Variants in ADAMTSL1 observed in about 807,000 individuals in gnomAD.
ADAMTSL1 encodes ADAMTS-like protein 1.
ADAMTSL1 carries 126 observed loss-of-function variants against 201.8 expected under a neutral mutation model. The observed-to-expected ratio is 0.62, with a 90% confidence interval of 0.54 to 0.72. The LOEUF is 0.72. Ranked by LOEUF, ADAMTSL1 falls within the 30% of genes least tolerant of loss-of-function variation. ADAMTSL1 has a pLI of 0.00. For synonymous variants in ADAMTSL1, 1,121 were observed against 903.4 expected, an observed-to-expected ratio of 1.24 and a Z score of -4.32; for missense variants, 2,679 against 2,277.8, an observed-to-expected ratio of 1.18 and a Z score of -3.59.
chr9:17,987,411 G>A (rs1005519353), intron 1 of ADAMTSL1, among the ~76,000 whole-genome samples: 1 of 152,096 alleles, frequency 6.6e-6, no homozygotes, highest in East Asian at 1.9e-4. Flanking sequence ...GCAATCTGAC[G>A]TTATTGTTTT....
At chr9:18,606,348 T>G (rs1314330770) in intron 4 of ADAMTSL1, among the ~76,000 whole-genome samples, 2 of 152,144 alleles carry the variant, frequency 1.3e-5, no homozygotes, top group African/African-American at 2.4e-5. Context: ...AATATCTTTG[T>G]TTTTTGAGTG....
intron 1 of ADAMTSL1, among the ~76,000 whole-genome samples, chr9:18,044,098 CT>C (rs1473853528): frequency 6.6e-6 from 1 of 150,456 alleles, no homozygotes; most frequent in Non-Finnish European, 1.5e-5. Context: ...TATGTGTAGG[CT>C]ATTGCAATAG....
At chr9:18,140,784 G>A (rs1826365228) in intron 1 of ADAMTSL1, among the ~76,000 whole-genome samples, 1 of 152,144 alleles carries the variant, frequency 6.6e-6, no homozygotes, top group South Asian at 2.1e-4. Context: ...CTCTGGCCTG[G>A]TATGTTAACT....
intron 2 of ADAMTSL1, among the ~76,000 whole-genome samples, chr9:18,287,378 T>A (rs1469291281): frequency 6.6e-6 from 1 of 151,946 alleles, no homozygotes; most frequent in African/African-American, 2.4e-5. Flanking sequence ...CACATACATG[T>A]ATATATGTGT....
Position 18,691,528 on chromosome 9 carries a change from A to G in ADAMTSL1, c.1574+6728A>G, listed in dbSNP as rs148417690. Among the ~76,000 whole-genome samples, 1,233 of 152,302 alleles carry G rather than the reference A, an allele frequency of 8.1e-3. 22 individuals are homozygous for G. The highest frequency in any genetic ancestry group is 0.028 in the African/African-American group (1,154 of 41,562). ...CTATAGAAACTACAGATAATTTCCTAAAATTGATTTTTTTCAGATGCATTA... is the reference window on the plus strand; with the variant it reads ...CTATAGAAACTACAGATAATTTCCTGAAATTGATTTTTTTCAGATGCATTA... On this transcript the variant is annotated intron_variant, in intron 13 of 28. Transcript: ENST00000380548.
chr9:18,003,668 A>G lies in ADAMTSL1; in HGVS notation c.87+96746A>G, dbSNP rs76760082. On this transcript the variant is annotated intron_variant, in intron 1 of 29. Transcript: ENST00000680146. ...ATCTCAGTTCCAAATGTTACATAAC[A>G]TCATGACCTTTCTTTGATGTATTGT... is the stretch of plus-strand genomic sequence containing the variant. Among the ~76,000 whole-genome samples the G allele has an allele frequency of 9.1e-3, 1,386 of 152,212 alleles. 26 individuals are homozygous for G. Among genetic ancestry groups the G allele is most frequent in the African/African-American group, 0.032 (1,321 of 41,570 alleles).
At chr9:18,898,345 A>G (rs911542983) in intron 26 of ADAMTSL1, among the ~76,000 whole-genome samples, 8 of 152,236 alleles carry the variant, frequency 5.3e-5, no homozygotes, top group Non-Finnish European at 1.0e-4. Context: ...GGAGCTGGAA[A>G]ACACAACACG....
chr9:17,928,955 A>G (rs1200007487), intron 1 of ADAMTSL1, among the ~76,000 whole-genome samples: 1 of 152,008 alleles, frequency 6.6e-6, no homozygotes, highest in African/African-American at 2.4e-5. Context: ...TGCTAATTAC[A>G]CGACTATGGA....
chr9:18,308,938 A>G (rs1834012341), intron 2 of ADAMTSL1, among the ~76,000 whole-genome samples: 1 of 152,224 alleles, frequency 6.6e-6, no homozygotes, highest in Non-Finnish European at 1.5e-5. Flanking sequence ...AATCTTCAAT[A>G]AAACACTGGC....
intron 1 of ADAMTSL1, among the ~76,000 whole-genome samples, chr9:17,985,785 A>G (rs1183281707): frequency 6.6e-6 from 1 of 152,142 alleles, no homozygotes; most frequent in Non-Finnish European, 1.5e-5. Flanking sequence ...GTTCTGATGT[A>G]TATTTGATGA....
At chr9:18,734,189 C>T (rs1818381356) in intron 15 of ADAMTSL1, among the ~76,000 whole-genome samples, 1 of 152,138 alleles carries the variant, frequency 6.6e-6, no homozygotes, top group South Asian at 2.1e-4. Flanking sequence ...CAGTGCCTCG[C>T]TCATACTAAG....
intron 2 of ADAMTSL1, among the ~76,000 whole-genome samples, chr9:18,315,357 C>T (rs894455426): frequency 6.6e-6 from 1 of 152,078 alleles, no homozygotes; most frequent in Admixed American, 6.5e-5. Flanking sequence ...AGCTGCCTGT[C>T]AGTCCCATGC....
chr9:18,906,304 C>G (rs10963833), intron 27 of ADAMTSL1, among the ~76,000 whole-genome samples: 19,694 of 152,086 alleles, frequency 0.13, 2,054 homozygotes, highest in African/African-American at 0.29. Flanking sequence ...TGAGTCTCAA[C>G]CTACCATTCC....
At chr9:18,208,942 T>C (rs1473985933) in intron 2 of ADAMTSL1, among the ~76,000 whole-genome samples, 2 of 152,170 alleles carry the variant, frequency 1.3e-5, no homozygotes, top group Non-Finnish European at 2.9e-5. Context: ...TTGATTTTCT[T>C]ATCTACAAAA....
chr9:18,237,475 GA>G (rs1408885649), intron 2 of ADAMTSL1, among the ~76,000 whole-genome samples: 1 of 152,148 alleles, frequency 6.6e-6, no homozygotes, highest in Non-Finnish European at 1.5e-5. Context: ...GGCATTTTGA[GA>G]AGTGTTTTTG....
intron 1 of ADAMTSL1, among the ~76,000 whole-genome samples, chr9:18,034,477 C>T (rs1368713398): frequency 1.3e-5 from 2 of 152,148 alleles, no homozygotes; most frequent in Non-Finnish European, 2.9e-5. Flanking sequence ...GTGTTTTTCA[C>T]CAGGATCTTA....
chr9:18,408,815 G>C (rs1439187414), intron 2 of ADAMTSL1, among the ~76,000 whole-genome samples: 1 of 152,074 alleles, frequency 6.6e-6, no homozygotes, highest in Admixed American at 6.6e-5. Flanking sequence ...AAGCATAAGA[G>C]AAAACAAGGA....
intron 1 of ADAMTSL1, among the ~76,000 whole-genome samples, chr9:17,979,122 G>C (rs78147374): frequency 0.027 from 4,105 of 152,104 alleles, 126 homozygotes; most frequent in Admixed American, 0.097. Flanking sequence ...GATTTTGACA[G>C]TTTGATTATA....
chr9:18,443,884 G>A (rs964378399), intron 2 of ADAMTSL1, among the ~76,000 whole-genome samples: 3 of 152,146 alleles, frequency 2.0e-5, no homozygotes, highest in African/African-American at 7.2e-5. Flanking sequence ...CAACAGAAAT[G>A]GACCTAAACC....
Sources: allele counts gnomAD v4.1 joint callset (sites outside exome capture counted in the v4.1 genomes callset), GRCh38; gene constraint gnomAD v4.1.1; transcripts MANE v1.5; gene names NCBI Gene and HGNC (gene_info 2026-07-23, HGNC 2026-07-21).